The following CADPS variants were observed in gnomAD, a reference collection of about 807,000 sequenced individuals.
CADPS encodes the protein calcium dependent secretion activator, also known as calcium-dependent secretion activator 1.
A neutral mutation model predicts 167.3 loss-of-function variants in CADPS; 57 were observed. The observed-to-expected ratio is 0.34, with a 90% CI of 0.28 to 0.42. The LOEUF is 0.42. Ranked by LOEUF, CADPS falls within the 20% of genes least tolerant of loss-of-function variation. The probability of loss-of-function intolerance (pLI) is 1.00; values close to 1 mark genes in which losing one functional copy is unlikely to be tolerated. For synonymous variants in CADPS, 676 were observed against 635.3 expected, an observed-to-expected ratio of 1.06 and a Z score of -0.96; for missense variants, 1,414 against 1,738.1, an observed-to-expected ratio of 0.81 and a Z score of 3.32.
intron 22 of CADPS, among the ~76,000 whole-genome samples, chr3:62,479,665 C>T (rs925583571): frequency 6.6e-6 from 1 of 152,198 alleles, no homozygotes; most frequent in African/African-American, 2.4e-5. Context: ...GAGGTCAGTA[C>T]GTAGACGTAT....
intron 28 of CADPS, among the ~76,000 whole-genome samples, chr3:62,416,101 T>C: frequency 6.6e-6 from 1 of 152,160 alleles, no homozygotes; most frequent in Non-Finnish European, 1.5e-5. Context: ...GAAATACCCA[T>C]TTGCCTCAAA....
chr3:62,632,540 T>C (rs1482936406), intron 6 of CADPS, among the ~76,000 whole-genome samples: 5 of 152,152 alleles, frequency 3.3e-5, no homozygotes, highest in African/African-American at 1.2e-4. Flanking sequence ...GCCTGATTTA[T>C]TTACATGTAA....
At chr3:62,519,893 C>T (rs1478114986) in intron 13 of CADPS, among the ~76,000 whole-genome samples, 1 of 152,104 alleles carries the variant, frequency 6.6e-6, no homozygotes, top group African/African-American at 2.4e-5. Context: ...TGTAACTTTT[C>T]GTGTATATGC....
At chr3:62,684,476 G>A (rs1242483402) in intron 3 of CADPS, among the ~76,000 whole-genome samples, 1 of 152,004 alleles carries the variant, frequency 6.6e-6, no homozygotes. Context: ...GAAGGATATT[G>A]CAAACTAAGA....
At chr3:62,792,844 T>A (rs1259605430) in intron 1 of CADPS, among the ~76,000 whole-genome samples, 1 of 152,232 alleles carries the variant, frequency 6.6e-6, no homozygotes, top group East Asian at 1.9e-4. Flanking sequence ...GTGATCCTCC[T>A]ACCTTAACTT....
intron 1 of CADPS, among the ~76,000 whole-genome samples, chr3:62,792,698 C>T (rs2093054159): frequency 6.6e-6 from 1 of 152,152 alleles, no homozygotes; most frequent in Non-Finnish European, 1.5e-5. Context: ...TAGGCTCAAA[C>T]AATCCCCCTG....
chr3:62,403,045 C>G, intron 29 of CADPS, 36 bp downstream of exon 29: 1 of 1,304,796 alleles, frequency 7.7e-7, no homozygotes. Flanking sequence ...TTTCAGTAAG[C>G]TATTTGCAAA....
intron 1 of CADPS, among the ~76,000 whole-genome samples, chr3:62,821,724 C>T (rs1448433214): frequency 6.6e-6 from 1 of 152,188 alleles, no homozygotes; most frequent in Non-Finnish European, 1.5e-5. Flanking sequence ...CAAATGATGA[C>T]ACAGTCATAG....
intron 21 of CADPS, among the ~76,000 whole-genome samples, chr3:62,487,130 A>G (rs1486369734): frequency 6.6e-6 from 1 of 152,196 alleles, no homozygotes; most frequent in Non-Finnish European, 1.5e-5. Context: ...GAACAGTCCT[A>G]ACTTGAAGTG....
chr3:62,537,504 C>G (rs1045884799), intron 11 of CADPS, among the ~76,000 whole-genome samples: 1 of 152,142 alleles, frequency 6.6e-6, no homozygotes, highest in Non-Finnish European at 1.5e-5. Flanking sequence ...AAGAAATTGG[C>G]TCACTCCACC....
At chr3:62,871,904 G>C (rs1421910450) in intron 1 of CADPS, among the ~76,000 whole-genome samples, 4 of 152,116 alleles carry the variant, frequency 2.6e-5, no homozygotes, top group Non-Finnish European at 5.9e-5. Context: ...TGTTCAGAAA[G>C]ATAAAATCTA....
chr3:62,752,844 C>A (rs906536843), intron 3 of CADPS, among the ~76,000 whole-genome samples: 6 of 152,350 alleles, frequency 3.9e-5, no homozygotes, highest in Middle Eastern at 6.8e-3. Context: ...TAAGCTTAGG[C>A]AGGATATCAA....
intron 1 of CADPS, among the ~76,000 whole-genome samples, chr3:62,777,475 G>C (rs1576274903): frequency 6.6e-6 from 1 of 152,150 alleles, no homozygotes; most frequent in African/African-American, 2.4e-5. Context: ...ACAGGACAAA[G>C]AGTGAAGGTG....
At chr3:62,862,028 A>G (rs1403143482) in intron 1 of CADPS, among the ~76,000 whole-genome samples, 3 of 151,940 alleles carry the variant, frequency 2.0e-5, no homozygotes, top group Non-Finnish European at 4.4e-5. Flanking sequence ...GGAGAGACAT[A>G]GGGACTGGAG....
At chr3:62,649,834 G>A (rs995330188) in intron 5 of CADPS, among the ~76,000 whole-genome samples, 1 of 151,974 alleles carries the variant, frequency 6.6e-6, no homozygotes, top group Non-Finnish European at 1.5e-5. Context: ...TTATAGACAT[G>A]AGCCGCCATG....
rs371507591 is a variant in CADPS at position 62,570,865 on chromosome 3, T to C, written c.1644+7A>G. ...TGATGTCTCTTAAGAGTTGAAGAGT[T>C]AGTTACCTGCACCAATACAAAAAAC... On this transcript the variant is annotated splice_region_variant and intron_variant, in intron 9 of 29. Transcript: ENST00000383710. 23 of 1,590,308 alleles carry C rather than the reference T, an allele frequency of 1.4e-5. No individual in the cohort carries two copies. The South Asian group carries it at 2.1e-4, about 15-fold the overall frequency.
intron 11 of CADPS, among the ~76,000 whole-genome samples, chr3:62,537,882 T>A (rs1214120270): frequency 6.6e-6 from 1 of 152,162 alleles, no homozygotes. Context: ...GTCAGATTTA[T>A]ACCTCCTTAT....
intron 2 of CADPS, among the ~76,000 whole-genome samples, chr3:62,760,174 T>C (rs1188222255): frequency 6.6e-6 from 1 of 152,120 alleles, no homozygotes; most frequent in Non-Finnish European, 1.5e-5. Context: ...ATGGACACCA[T>C]ACCACCATGC....
At chr3:62,435,928 T>A (rs917472128) in intron 28 of CADPS, among the ~76,000 whole-genome samples, 1 of 151,792 alleles carries the variant, frequency 6.6e-6, no homozygotes, top group African/African-American at 2.4e-5. Context: ...GAAAAAAATA[T>A]TCTCAGTAAT....
Sources: gnomAD v4.1 joint callset for allele counts (sites outside exome capture counted in the v4.1 genomes callset) on GRCh38, gnomAD v4.1.1 for gene constraint, MANE v1.5 for transcripts, NCBI Gene and HGNC (gene_info 2026-07-23, HGNC 2026-07-21) for gene names.